METTL15: variants seen among roughly 807,000 people sequenced by gnomAD.
METTL15 encodes the protein 12S rRNA N(4)-cytidine methyltransferase METTL15.
METTL15 carries 34 observed loss-of-function variants against 38.3 expected under a neutral mutation model. The ratio of observed to expected loss-of-function variants is 0.89; its 90% CI spans 0.68 to 1.18. The LOEUF (loss-of-function observed/expected upper bound fraction) is 1.18. METTL15 is among the 50% of genes most tolerant of loss of function. METTL15 has a pLI of 0.00. For missense variants in METTL15, 438 were observed against 498.4 expected, an observed-to-expected ratio of 0.88 and a Z score of 1.15; for synonymous variants, 162 against 170.9, an observed-to-expected ratio of 0.95 and a Z score of 0.41.
intron 6 of METTL15, among the ~76,000 whole-genome samples, chr11:28,432,439 G>C (rs916007267): frequency 2.0e-5 from 3 of 152,036 alleles, no homozygotes; most frequent in Non-Finnish European, 4.4e-5. Context: ...TTCTCTCCTT[G>C]GAAAAATGTA....
At chr11:28,190,373 C>T (rs894252014) in intron 3 of METTL15, among the ~76,000 whole-genome samples, 1 of 151,104 alleles carries the variant, frequency 6.6e-6, no homozygotes, top group Admixed American at 6.6e-5. Context: ...TTTGTCTACT[C>T]TTTGGATGTA....
intron 6 of METTL15, among the ~76,000 whole-genome samples, chr11:28,313,483 G>C (rs897333457): frequency 6.6e-6 from 1 of 151,368 alleles, no homozygotes; most frequent in African/African-American, 2.4e-5. Flanking sequence ...ATAAAGTACA[G>C]GATTTTTATT....
chr11:28,249,842 A>T (rs532370181), intron 4 of METTL15, among the ~76,000 whole-genome samples: 17 of 151,914 alleles, frequency 1.1e-4, no homozygotes, highest in Admixed American at 1.1e-3. Context: ...TAAGCACAAT[A>T]CCTGATAGGT....
chr11:28,260,378 A>G (rs1172874052), intron 4 of METTL15, among the ~76,000 whole-genome samples: 1 of 151,946 alleles, frequency 6.6e-6, no homozygotes. Flanking sequence ...ACTCTCCTCC[A>G]TTTACCATAT....
intron 4 of METTL15, among the ~76,000 whole-genome samples, chr11:28,255,096 A>G (rs1854918225): frequency 6.6e-6 from 1 of 152,168 alleles, no homozygotes; most frequent in Non-Finnish European, 1.5e-5. Context: ...TTCCATGAAC[A>G]TGGAATATCT....
intron 4 of METTL15, among the ~76,000 whole-genome samples, chr11:28,223,430 A>G (rs1031020513): frequency 6.6e-5 from 10 of 152,142 alleles, no homozygotes; most frequent in Non-Finnish European, 1.3e-4. Context: ...TGGATCGATC[A>G]ATGGATAGTT....
intron 6 of METTL15, among the ~76,000 whole-genome samples, chr11:28,451,130 G>T (rs964693936): frequency 2.0e-5 from 3 of 152,146 alleles, no homozygotes; most frequent in Middle Eastern, 3.2e-3. Context: ...AAAGGAAACT[G>T]CACTGGGATG....
intron 2 of METTL15, among the ~76,000 whole-genome samples, chr11:28,110,793 T>C (rs1851686311): frequency 6.6e-6 from 1 of 152,212 alleles, no homozygotes. Context: ...CACTCACCTG[T>C]GTGTTTTCAC....
intron 2 of METTL15, 72 bp from the exon 3 acceptor site, chr11:28,113,245 AT>A: frequency 1.9e-6 from 2 of 1,038,042 alleles, no homozygotes; most frequent in East Asian, 4.9e-5. Flanking sequence ...TTGCATATTA[AT>A]TTGATTTTCC....
At chr11:28,231,051 G>T (rs1318124472) in intron 4 of METTL15, among the ~76,000 whole-genome samples, 1 of 151,788 alleles carries the variant, frequency 6.6e-6, no homozygotes, top group African/African-American at 2.4e-5. Flanking sequence ...ATTATTTGAG[G>T]AATATACATT....
chr11:28,524,648 AT>A (rs1851794142), intron 6 of METTL15, among the ~76,000 whole-genome samples: 1 of 152,234 alleles, frequency 6.6e-6, no homozygotes, highest in Non-Finnish European at 1.5e-5. Flanking sequence ...GTCCTCAAAA[AT>A]GGAATAATCA....
intron 3 of METTL15, among the ~76,000 whole-genome samples, chr11:28,121,892 G>A (rs1050740877): frequency 6.6e-6 from 1 of 151,988 alleles, no homozygotes; most frequent in Non-Finnish European, 1.5e-5. Flanking sequence ...GCATTTATAG[G>A]TAACTCGCAC....
chr11:28,353,034 A>G (rs1455589015), intron 4 of METTL15, among the ~76,000 whole-genome samples: 1 of 152,206 alleles, frequency 6.6e-6, no homozygotes, highest in African/African-American at 2.4e-5. Flanking sequence ...GTAAAATTAG[A>G]ACATCACTAT....
At chr11:28,410,951 G>A (rs537235842) in intron 5 of METTL15, among the ~76,000 whole-genome samples, 2 of 151,954 alleles carry the variant, frequency 1.3e-5, no homozygotes, top group East Asian at 1.9e-4. Flanking sequence ...CATACAAATA[G>A]CATTTCTATA....
At chr11:28,163,697 A>C (rs745473643) in intron 3 of METTL15, 2 of 365,000 alleles carry the variant, frequency 5.5e-6, no homozygotes, top group Admixed American at 4.6e-5. Flanking sequence ...AACTTAATAT[A>C]CTTTTTTTTA....
At chr11:28,122,709 T>C (rs1852304960) in intron 3 of METTL15, among the ~76,000 whole-genome samples, 1 of 151,800 alleles carries the variant, frequency 6.6e-6, no homozygotes, top group African/African-American at 2.4e-5. Flanking sequence ...TATGCTTGTT[T>C]TTCTACCACT....
intron 3 of METTL15, among the ~76,000 whole-genome samples, chr11:28,146,273 C>G (rs150874757): frequency 4.0e-5 from 6 of 151,860 alleles, no homozygotes; most frequent in Non-Finnish European, 8.8e-5. Flanking sequence ...TGCATCCTGG[C>G]GAGTGCTTGG....
At chr11:28,442,714 C>G (rs1851045183) in intron 6 of METTL15, among the ~76,000 whole-genome samples, 2 of 152,116 alleles carry the variant, frequency 1.3e-5, no homozygotes, top group African/African-American at 4.8e-5. Flanking sequence ...TGAGTTTCCC[C>G]TGGGAAATCC....
At chr11:28,416,759 G>T (rs1850775824) in intron 5 of METTL15, among the ~76,000 whole-genome samples, 1 of 152,162 alleles carries the variant, frequency 6.6e-6, no homozygotes, top group Non-Finnish European at 1.5e-5. Context: ...AAATTCTTCT[G>T]ACCCTGTGTT....
Sources: gnomAD v4.1 joint callset for allele counts (sites outside exome capture counted in the v4.1 genomes callset) on GRCh38, gnomAD v4.1.1 for gene constraint, MANE v1.5 for transcripts, NCBI Gene and HGNC (gene_info 2026-07-23, HGNC 2026-07-21) for gene names.